ZNF778: variants seen among roughly 807,000 people sequenced by gnomAD.
ZNF778 encodes the protein zinc finger protein 778.
Under a neutral mutation model 23.9 loss-of-function variants are expected in ZNF778, and 37 were observed. The observed-to-expected ratio is 1.54, with a 90% CI of 1.19 to 2.03. The LOEUF (loss-of-function observed/expected upper bound fraction) is 2.03, where lower values mean the gene tolerates loss of function less well. Ranked by LOEUF, ZNF778 falls within the 30% of genes most tolerant of loss-of-function variation. ZNF778 has a pLI of 0.00. For synonymous variants in ZNF778, 483 were observed against 343.9 expected (o/e 1.40, Z -4.48); for missense variants, 1,297 against 934.4 (o/e 1.39, Z -5.06).
chr16:89,224,015 C>T (rs2031224128), intron 4 of ZNF778, among the ~76,000 whole-genome samples: 1 of 151,808 alleles, frequency 6.6e-6, no homozygotes, highest in Admixed American at 6.6e-5. Flanking sequence ...GGGCTGTAAT[C>T]CCAGCACTCT....
Position 89,223,140 on chromosome 16 carries a change from C to CA in ZNF778, c.118-16dup. On this transcript the variant is annotated splice_polypyrimidine_tract_variant and intron_variant, in intron 3 of 6. Transcript: ENST00000433976. ...GGACACGTTGGAAGGCTCCAACCGTCATGTGTGATGATTTAGGACGCGGTG... is the reference window on the plus strand; with the variant it reads ...GGACACGTTGGAAGGCTCCAACCGTCAATGTGTGATGATTTAGGACGCGGTG... 6.2e-7 allele frequency: 1 copy of CA among 1,610,930 alleles called. No homozygotes were observed. Among genetic ancestry groups the CA allele is most frequent in the Non-Finnish European group, 8.5e-7 (1 of 1,178,954 alleles).
Position 89,229,171 on chromosome 16 carries a change from T to G in ZNF778, c.*609T>G. ...GTCCACGTCGCAGCCTGGCTAACAG[T>G]AGGCCTTGAGGACTCAGATGTGATC... is the stretch of plus-strand genomic sequence containing the variant. On this transcript the variant is annotated 3_prime_UTR_variant, in exon 7 of 7. Coordinates refer to ENST00000433976, the MANE Select transcript of ZNF778 (RefSeq NM_001201407.2). 2 of 986,022 alleles carry G rather than the reference T, an allele frequency of 2.0e-6. No homozygotes were observed. The highest frequency in any genetic ancestry group is 1.7e-5 in the African/African-American group (1 of 57,392). The allele number at this position is 986,022 out of a possible 1,614,324, so 61.1% of individuals were successfully genotyped here.
rs934749767 is a variant in ZNF778, at chr16:89,227,743, C to G, written c.1455C>G (p.Ser485=). Reference sequence around the variant, plus strand: ...ATGAATGTAAAGATTGTGGGAAATCCTTCACTGTTTCTTCAAGCCTGACTG... The same window carrying G: ...ATGAATGTAAAGATTGTGGGAAATCGTTCACTGTTTCTTCAAGCCTGACTG... ...KPYECKDCGK[S]FTVSSSLTEH... Residue 485 remains serine (S), a synonymous_variant, in exon 7 of 7, where the codon TCC becomes TCG. Coordinates refer to ENST00000433976, the MANE Select transcript of ZNF778 (RefSeq NM_001201407.2). 1.9e-6 allele frequency: 3 copies of G among 1,613,020 alleles called. No individual in the cohort carries two copies. The highest frequency in any genetic ancestry group is 2.5e-6 in the Non-Finnish European group (3 of 1,179,188).
Position 89,226,791 on chromosome 16 carries a change from A to G in ZNF778, c.503A>G (p.Asn168Ser), listed in dbSNP as rs746313736. ...CTCAGCACACACGTGAGAACTCAAA[A>G]TACAGGAGACAGTTGTGTGTCTAAT... ...SGLSTHVRTQ[N>S]TGDSCVSNHY... Residue 168 changes from asparagine to serine, a missense_variant, in exon 7 of 7, where the codon AAT becomes AGT. By Grantham distance (46) the Asn-to-Ser change is conservative. Coordinates refer to ENST00000433976, the MANE Select transcript of ZNF778 (RefSeq NM_001201407.2). 1.2e-5 allele frequency: 19 copies of G among 1,614,022 alleles called. No individual in the cohort carries two copies. In the African/African-American group the frequency reaches 2.1e-4, roughly 18 times the overall value.
intron 1 of ZNF778, 25 bp from the exon 2 acceptor site, chr16:89,220,972 A>C: frequency 1.3e-6 from 1 of 747,594 alleles, no homozygotes; most frequent in Non-Finnish European, 2.2e-6. Flanking sequence ...ACTGGGAAGT[A>C]ATGCTTCTTC....
At chr16:89,225,873 G>T (rs1438806227) in intron 6 of ZNF778, among the ~76,000 whole-genome samples, 1 of 151,596 alleles carries the variant, frequency 6.6e-6, no homozygotes, top group Non-Finnish European at 1.5e-5. Flanking sequence ...GAGCTGTTTT[G>T]TGCGCACAGA....
rs765731648 is a variant in ZNF778 at position 89,227,477 on chromosome 16, G to A, written c.1189G>A (p.Val397Ile). ...GAGGGAGAAGCCCTTTGCATGTGTG[G>A]TTTGCGGAAAATATTTTAGAAATTC... The part of the protein sequence containing the change: ...HTREKPFACV[V>I]CGKYFRNSSC... Residue 397 changes from valine to isoleucine, a missense_variant, in exon 7 of 7, where the codon GTT becomes ATT. By Grantham distance (29) the Val-to-Ile change is conservative. Coordinates refer to ENST00000433976, the MANE Select transcript of ZNF778 (RefSeq NM_001201407.2). The A allele has an allele frequency of 1.2e-6, 2 of 1,613,920 alleles. No individual in the cohort carries two copies. Among genetic ancestry groups the A allele is most frequent in the Non-Finnish European group, 1.7e-6 (2 of 1,179,892 alleles).
chr16:89,235,025 A>G lies in ZNF778; in HGVS notation c.*6463A>G, dbSNP rs1409363737. 1 of 152,138 alleles carries G rather than the reference A, an allele frequency of 6.6e-6. No homozygotes were observed. Among genetic ancestry groups the G allele is most frequent in the East Asian group, 1.9e-4 (1 of 5,206 alleles). The allele number at this position is 152,138 out of a possible 1,614,324, so 9.4% of individuals were successfully genotyped here. A position where few individuals can be genotyped will look rare whatever the true frequency, so the allele number is the denominator to read the frequency against. ...CCTAAGGCCTTAAATATGCTGTACT[A>G]TTTTGGCTTCCACAGTTTCTATGTT... is the stretch of plus-strand genomic sequence containing the variant. On this transcript the variant is annotated 3_prime_UTR_variant, in exon 7 of 7. Transcript: ENST00000433976.
In ZNF778 at chr16:89,229,882, A is replaced by G; in HGVS notation, c.*1320A>G. The G allele has an allele frequency of 2.0e-6, 2 of 976,750 alleles. No individual in the cohort carries two copies. The highest frequency in any genetic ancestry group is 2.4e-6 in the Non-Finnish European group (2 of 827,224). 60.5% of individuals were successfully genotyped at this position (976,750 alleles called of 1,614,324 possible). ...GGTTAGTCTTGAGGATCCAGATGTG[A>G]TCCTGTGTGAGCAGCGTAGGCTCTG... On this transcript the variant is annotated 3_prime_UTR_variant, in exon 7 of 7. Coordinates refer to ENST00000433976, the MANE Select transcript of ZNF778 (RefSeq NM_001201407.2).
intron 1 of ZNF778, chr16:89,218,440 C>T (rs569889830): frequency 6.6e-6 from 1 of 152,216 alleles, no homozygotes; most frequent in South Asian, 2.1e-4. Flanking sequence ...GGTAAAGCGT[C>T]TGTTAAGGGT....
chr16:89,219,789 C>T (rs764475535), intron 1 of ZNF778, among the ~76,000 whole-genome samples: 1 of 152,122 alleles, frequency 6.6e-6, no homozygotes, highest in Admixed American at 6.5e-5. Context: ...AGAGCGTTAA[C>T]GCTGTTATAT....
intron 1 of ZNF778, among the ~76,000 whole-genome samples, chr16:89,218,772 C>G (rs1470401722): frequency 6.6e-6 from 1 of 151,708 alleles, no homozygotes; most frequent in African/African-American, 2.4e-5. Flanking sequence ...GCCTGGGCGA[C>G]AGAGCGAGAC....
intron 1 of ZNF778, chr16:89,218,258 A>T (rs180952504): frequency 6.6e-6 from 1 of 152,252 alleles, no homozygotes; most frequent in Non-Finnish European, 1.5e-5. Flanking sequence ...TGAATCTAAT[A>T]AAAATGTGAA....
In ZNF778 at chr16:89,230,473, TCCGGCATTCATGGGGCAGCTGCTGCGAC is replaced by T. The variant is rs2031861585; in HGVS notation, c.*1918_*1945del. 1 of 152,208 alleles carries T rather than the reference TCCGGCATTCATGGGGCAGCTGCTGCGAC, an allele frequency of 6.6e-6. No individual in the cohort carries two copies. The highest frequency in any genetic ancestry group is 2.1e-4 in the South Asian group (1 of 4,836). 9.4% of individuals were successfully genotyped at this position (152,208 alleles called of 1,614,324 possible). A position where few individuals can be genotyped will look rare whatever the true frequency, so the allele number is the denominator to read the frequency against. ...GGCACTGATGAGGCAGCTGCTGTGA[TCCGGCATTCATGGGGCAGCTGCTGCGAC>T]CCGGCACTCCTGGGGCAGCTGCTGC... On this transcript the variant is annotated 3_prime_UTR_variant, in exon 7 of 7. Coordinates refer to ENST00000433976, the MANE Select transcript of ZNF778 (RefSeq NM_001201407.2).
Position 89,230,998 on chromosome 16 carries a change from C to G in ZNF778, c.*2436C>G, listed in dbSNP as rs2031894601. The G allele has an allele frequency of 8.1e-6, 1 of 122,932 alleles. No homozygotes were observed. Among genetic ancestry groups the G allele is most frequent in the African/African-American group, 3.8e-5 (1 of 26,648 alleles). The allele number at this position is 122,932 out of a possible 1,614,324, so 7.6% of individuals were successfully genotyped here. On this transcript the variant is annotated 3_prime_UTR_variant, in exon 7 of 7. Transcript: ENST00000433976. ...ACCTTCCTGTCACATGTTTGAAATC[C>G]TGGATGGACAGACCTGTGCACCTTC...
In ZNF778 at chr16:89,222,183, G is replaced by C. The variant is rs1194758632; in HGVS notation, c.117G>C (p.Gln39His). 14 of 1,598,866 alleles carry C rather than the reference G, an allele frequency of 8.8e-6. No individual in the cohort carries two copies. The highest frequency in any genetic ancestry group is 1.2e-5 in the Non-Finnish European group (14 of 1,171,256). ...CTGGCTGGCTGATAAATTGTTACCAGGTATGCCAAAACTGTATTTTTTCTT... is the reference window on the plus strand; with the variant it reads ...CTGGCTGGCTGATAAATTGTTACCACGTATGCCAAAACTGTATTTTTTCTT... The part of the protein sequence containing the change: ...MVAGWLINCY[Q>H]DAVTFDDVAV... The change falls in exon 3 of 7, where the codon CAG (glutamine) becomes CAC (histidine). Residue 39 changes from glutamine to histidine, a missense_variant and splice_region_variant. Gln to His is a conservative substitution (Grantham distance 24). Coordinates refer to ENST00000433976, the MANE Select transcript of ZNF778 (RefSeq NM_001201407.2).
chr16:89,228,021 A>G lies in ZNF778; in HGVS notation c.1733A>G (p.Lys578Arg), dbSNP rs762900259. ...KSFRNSSCLN[K>R]HIQIHTGIKP... ...TTCAGAAATTCCTCGTGCCTGAATA[A>G]GCACATTCAGATTCACACTGGAATA... Residue 578 changes from lysine to arginine, a missense_variant, in exon 7 of 7, where the codon AAG (lysine) becomes AGG (arginine). By Grantham distance (26) the Lys-to-Arg change is conservative. Transcript: ENST00000433976. The G allele has an allele frequency of 6.3e-7, 1 of 1,589,358 alleles. No homozygotes were observed. The highest frequency in any genetic ancestry group is 8.6e-7 in the Non-Finnish European group (1 of 1,164,700).
At chr16:89,223,071 ATAGGCG>A in intron 3 of ZNF778, 80 bp from the exon 4 acceptor site, 1 of 1,495,934 alleles carries the variant, frequency 6.7e-7, no homozygotes, top group Non-Finnish European at 9.0e-7. Flanking sequence ...TCACAGTCCC[ATAGGCG>A]TAGGGCCCCG....
At position 89,227,331 on chromosome 16, in the gene ZNF778, G is replaced by C. The variant is rs766355474; in HGVS notation, c.1043G>C (p.Gly348Ala). ...AAAGAATGCGGAAAAGCCTTCACTG[G>C]ACTCTCAGGTCTTTCTAAACACGTC... ...ECKECGKAFT[G>A]LSGLSKHVQT... Residue 348 changes from glycine (G) to alanine (A), a missense_variant, in exon 7 of 7, where the codon GGA becomes GCA. By Grantham distance (60) the Gly-to-Ala change is moderately conservative (BLOSUM62 0). Coordinates refer to ENST00000433976, the MANE Select transcript of ZNF778 (RefSeq NM_001201407.2). The C allele has an allele frequency of 1.2e-6, 2 of 1,613,956 alleles. No individual in the cohort carries two copies. The highest frequency in any genetic ancestry group is 1.7e-6 in the Non-Finnish European group (2 of 1,179,892).
Sources: allele counts gnomAD v4.1 joint callset (sites outside exome capture counted in the v4.1 genomes callset), GRCh38; gene constraint gnomAD v4.1.1; transcripts MANE v1.5; gene names NCBI Gene and HGNC (gene_info 2026-07-23, HGNC 2026-07-21).